The following HK1 variants were observed in gnomAD, a reference collection of about 807,000 sequenced individuals.
The protein encoded by HK1 is hexokinase-1.
HK1 carries 28 observed loss-of-function variants against 91.6 expected under a neutral mutation model. The observed-to-expected ratio is 0.31, with a 90% CI of 0.23 to 0.42. The LOEUF (loss-of-function observed/expected upper bound fraction) is 0.42. Among genes scored for constraint, HK1 ranks in the 10% least tolerant of loss-of-function variants. The pLI is 1.00. For missense variants in HK1, 770 were observed against 1,219.8 expected, an observed-to-expected ratio of 0.63 and a Z score of 5.49; for synonymous variants, 430 against 468.1, an observed-to-expected ratio of 0.92 and a Z score of 1.05.
intron 2 of HK1, among the ~76,000 whole-genome samples, chr10:69,344,455 A>G (rs1225867895): frequency 1.3e-5 from 2 of 152,170 alleles, no homozygotes; most frequent in East Asian, 3.8e-4. Flanking sequence ...TAGCAATCCT[A>G]ATGGACAGGT....
At chr10:69,310,823 G>A (rs1425785437), upstream of HK1, among the ~76,000 whole-genome samples, 1 of 152,190 alleles carries the variant, frequency 6.6e-6, no homozygotes, top group Admixed American at 6.5e-5. Flanking sequence ...TTGGGAGGCT[G>A]TGGCAGGCGG....
At chr10:69,399,477 A>AC (rs1313294625) in intron 17 of HK1, among the ~76,000 whole-genome samples, 1 of 152,062 alleles carries the variant, frequency 6.6e-6, no homozygotes, top group African/African-American at 2.4e-5. Flanking sequence ...ACGCCACTGT[A>AC]CTCCAGCCTG....
chr10:69,386,640 G>A, intron 13 of HK1: 1 of 404,682 alleles, frequency 2.5e-6, no homozygotes, highest in South Asian at 2.1e-5. Flanking sequence ...AAATTAGCCA[G>A]GCGTGGTGGT....
In HK1 at chr10:69,398,616, G is replaced by C; in HGVS notation, c.2397G>C (p.Gln799His). 6.2e-7 allele frequency: 1 copy of C among 1,613,850 alleles called. No homozygotes were observed. The highest frequency in any genetic ancestry group is 1.1e-5 in the South Asian group (1 of 91,034). ...ACAGTGACCGATTAGCACTGCTCCA[G>C]GTCCGGGCTATCCTCCAGCAGCTAG... Reference protein sequence around the residue: ...QIESDRLALLQVRAILQQLGL... With the variant: ...QIESDRLALLHVRAILQQLGL... The change falls in exon 17 of 18, where the codon CAG becomes CAC. Residue 799 changes from glutamine to histidine, a missense_variant. Gln to His is a conservative substitution (Grantham distance 24). Around this residue, in one of 7 missense-constraint regions of HK1, gnomAD observed 25 missense variants for 74.1 expected, o/e 0.34. Transcript: ENST00000359426.
At chr10:69,359,537 T>C (rs1321096791) in intron 2 of HK1, among the ~76,000 whole-genome samples, 1 of 152,126 alleles carries the variant, frequency 6.6e-6, no homozygotes, top group African/African-American at 2.4e-5. Flanking sequence ...AAATGCGGTG[T>C]GATTTTTTAT....
At chr10:69,396,421 G>C (rs1840143744) in intron 16 of HK1, among the ~76,000 whole-genome samples, 1 of 152,054 alleles carries the variant, frequency 6.6e-6, no homozygotes, top group African/African-American at 2.4e-5. Flanking sequence ...TAGTCGCACA[G>C]CTATCACCAC....
At chr10:69,396,416 G>A (rs977762611) in intron 16 of HK1, among the ~76,000 whole-genome samples, 2 of 151,552 alleles carry the variant, frequency 1.3e-5, no homozygotes, top group Non-Finnish European at 2.9e-5. Context: ...TCACATAGTC[G>A]CACAGCTATC....
At chr10:69,384,074 G>T (rs1007930484) in intron 10 of HK1, among the ~76,000 whole-genome samples, 1 of 152,216 alleles carries the variant, frequency 6.6e-6, no homozygotes, top group African/African-American at 2.4e-5. Flanking sequence ...CATTGTTGCA[G>T]CCCTGGTGAA....
chr10:69,312,484 C>T (rs1235134822), upstream of HK1, among the ~76,000 whole-genome samples: 3 of 152,020 alleles, frequency 2.0e-5, no homozygotes, highest in Non-Finnish European at 2.9e-5. Flanking sequence ...AGTGATCCAC[C>T]CGCCTCGGCC....
At chr10:69,381,430 C>A (rs73267663) in intron 9 of HK1, among the ~76,000 whole-genome samples, 3,048 of 151,410 alleles carry the variant, frequency 0.02, 115 homozygotes, top group African/African-American at 0.069. Flanking sequence ...TTTCTTTTTT[C>A]TTTGTAATTT....
intron 4 of HK1, among the ~76,000 whole-genome samples, chr10:69,298,389 A>G (rs1232886905): frequency 6.6e-6 from 1 of 151,782 alleles, no homozygotes; most frequent in Admixed American, 6.6e-5. Context: ...GTGCTTTAAA[A>G]GACCAAGGAG....
At chr10:69,395,506 A>G (rs529255558) in intron 16 of HK1, among the ~76,000 whole-genome samples, 119 of 152,300 alleles carry the variant, frequency 7.8e-4, no homozygotes, top group Middle Eastern at 6.8e-3. Context: ...TGAACCCAGG[A>G]GGTGGAGGTT....
chr10:69,309,572 T>C (rs1437099157), intron 5 of HK1, among the ~76,000 whole-genome samples: 52 of 81,150 alleles, frequency 6.4e-4, no homozygotes, highest in Admixed American at 2.1e-3. Flanking sequence ...GAGGCTGAGG[T>C]GGGCGGATCA....
At chr10:69,326,001 A>AT (rs1185551367) in intron 1 of HK1, among the ~76,000 whole-genome samples, 5 of 150,572 alleles carry the variant, frequency 3.3e-5, no homozygotes, top group African/African-American at 4.9e-5. Flanking sequence ...CACCCAGCTA[A>AT]TTTTTTGTAT....
rs115006385 is a variant in HK1 at position 69,288,595 on chromosome 10, C to G, written c.-214-76C>G. The G allele has an allele frequency of 7.3e-3, 5,746 of 782,544 alleles. 141 individuals are homozygous for G. Among genetic ancestry groups the G allele is most frequent in the African/African-American group, 0.062 (3,680 of 59,008 alleles). The allele number at this position is 782,544 out of a possible 1,614,324, so 48.5% of individuals were successfully genotyped here. On this transcript the variant is annotated intron_variant, in intron 2 of 21. Coordinates refer to the HK1 transcript ENST00000360289. ...TGGTTCTCAGTATTAGGGTGTTTAG[C>G]TTCCTAATTGGTGAGGACAAAAATG...
At chr10:69,342,415 G>A (rs1033875671) in intron 1 of HK1, among the ~76,000 whole-genome samples, 1 of 152,206 alleles carries the variant, frequency 6.6e-6, no homozygotes, top group African/African-American at 2.4e-5. Context: ...TCTTCAGGAG[G>A]AAGTGACAGT....
chr10:69,331,245 A>T (rs1172420227), intron 1 of HK1, among the ~76,000 whole-genome samples: 1 of 152,162 alleles, frequency 6.6e-6, no homozygotes, highest in African/African-American at 2.4e-5. Flanking sequence ...AAAAACTTAG[A>T]TTAATTTGTA....
At chr10:69,376,760 C>T (rs535399634) in intron 7 of HK1, among the ~76,000 whole-genome samples, 174 bp from the exon 8 acceptor site, 49 of 152,174 alleles carry the variant, frequency 3.2e-4, no homozygotes, top group Non-Finnish European at 1.0e-4. Context: ...GGCTTGGCTT[C>T]CGATCCCTCT....
chr10:69,285,921 T>G (rs937841112), intron 2 of HK1, among the ~76,000 whole-genome samples: 2 of 152,186 alleles, frequency 1.3e-5, no homozygotes, highest in African/African-American at 4.8e-5. Flanking sequence ...CTACTCCGTC[T>G]CCTGGGTAAC....
Sources: allele counts gnomAD v4.1 joint callset (sites outside exome capture counted in the v4.1 genomes callset), GRCh38; gene constraint gnomAD v4.1.1; regional missense constraint gnomAD v4.1.1; transcripts MANE v1.5; gene names NCBI Gene and HGNC (gene_info 2026-07-23, HGNC 2026-07-21).